RPS29: variants seen among roughly 807,000 people sequenced by gnomAD.
The protein encoded by RPS29 is small ribosomal subunit protein uS14.
For synonymous variants in RPS29, 37 were observed against 26.9 expected, an observed-to-expected ratio of 1.37 and a Z score of -1.16; for missense variants, 60 against 75.7, an observed-to-expected ratio of 0.79 and a Z score of 0.77.
At chr14:49,589,621 T>C (rs930982402), upstream of RPS29, among the ~76,000 whole-genome samples, 1 of 152,236 alleles carries the variant, frequency 6.6e-6, no homozygotes, top group Admixed American at 6.5e-5. Context: ...GGAAAGCAGT[T>C]TGGTGATTTC....
At chr14:49,572,578 G>A (rs1881080343) in exon 3 of RPS29, 1 of 152,122 alleles carries the variant, frequency 6.6e-6, no homozygotes, top group South Asian at 2.1e-4. Context: ...TAACTCAGTG[G>A]TGGAGTTTTC....
upstream of RPS29, chr14:49,586,483 G>C (rs1881563308): frequency 2.6e-6 from 2 of 761,976 alleles, no homozygotes; most frequent in Non-Finnish European, 4.6e-6. Flanking sequence ...GTTTCGCTGG[G>C]TGAGTAAAAT....
chr14:49,598,471 G>C, exon 1 of RPS29: 1 of 702,314 alleles, frequency 1.4e-6, no homozygotes, highest in Non-Finnish European at 2.6e-6. Flanking sequence ...CCCCTTCGAC[G>C]TGCCAGGTGT....
chr14:49,571,398 G>C (rs2139496548), exon 3 of RPS29: 1 of 152,248 alleles, frequency 6.6e-6, no homozygotes, highest in Middle Eastern at 3.4e-3. Flanking sequence ...TTTGTCTCTG[G>C]TTCCTAGGAG....
chr14:49,577,496 C>G (rs1881215823), exon 3 of RPS29: 1 of 509,390 alleles, frequency 2.0e-6, no homozygotes, highest in Non-Finnish European at 3.6e-6. Context: ...GAAGAAACAT[C>G]ATGAGTGATC....
chr14:49,593,346 T>C (rs1427548789), intron 1 of RPS29, among the ~76,000 whole-genome samples: 1 of 152,178 alleles, frequency 6.6e-6, no homozygotes, highest in Non-Finnish European at 1.5e-5. Context: ...TAAGTAATCA[T>C]ATAGCAATAT....
At chr14:49,590,313 T>C (rs1881683942), upstream of RPS29, among the ~76,000 whole-genome samples, 1 of 151,838 alleles carries the variant, frequency 6.6e-6, no homozygotes, top group Non-Finnish European at 1.5e-5. Context: ...CGGTCTCCAC[T>C]AAAAATACAA....
chr14:49,598,201 A>T, intron 1 of RPS29: 1 of 557,586 alleles, frequency 1.8e-6, no homozygotes, highest in Non-Finnish European at 3.2e-6. Context: ...CCTAGAGCAC[A>T]AATTTTAAGG....
Position 49,594,510 on chromosome 14 carries a change from C to G in RPS29, c.-133+3890G>C, listed in dbSNP as rs142679450. The stretch of plus-strand genomic sequence containing the variant: ...TCATTAGTAAATAATCGTGGAAACA[C>G]AATCTATAAGACATTCAAAGAGTGT... On this transcript the variant is annotated intron_variant, in intron 1 of 3. Coordinates refer to the RPS29 transcript ENST00000556230. Among the ~76,000 whole-genome samples the G allele has an allele frequency of 2.3e-4, 35 of 152,230 alleles. 1 individual carries two copies. In the East Asian group the frequency reaches 6.5e-3, roughly 28 times the overall value.
chr14:49,586,412 T>C, upstream of RPS29: 1 of 1,418,088 alleles, frequency 7.1e-7, no homozygotes, highest in South Asian at 1.1e-5. Flanking sequence ...CTTCAAATTT[T>C]TGAGACAGTT....
chr14:49,592,304 A>G (rs565610230), intron 1 of RPS29: 1 of 151,502 alleles, frequency 6.6e-6, no homozygotes, highest in African/African-American at 2.4e-5. Flanking sequence ...GTTGTAATTA[A>G]TTAGTTGTAA....
chr14:49,583,715 T>A, intron 2 of RPS29, 40 bp from the exon 3 acceptor site: 1 of 1,209,646 alleles, frequency 8.3e-7, no homozygotes, highest in Non-Finnish European at 1.2e-6. Context: ...CAAAATGCTT[T>A]AAATCTCTAC....
downstream of RPS29, among the ~76,000 whole-genome samples, chr14:49,582,681 G>A (rs1294809625): frequency 6.6e-6 from 1 of 152,098 alleles, no homozygotes. Context: ...ATTGCGTAGG[G>A]GCTCTTGTTC....
At chr14:49,583,768 A>T (rs1156733048) in intron 2 of RPS29, 93 bp from the exon 3 acceptor site, 1 of 809,774 alleles carries the variant, frequency 1.2e-6, no homozygotes, top group African/African-American at 1.7e-5. Flanking sequence ...ATGTTATAGA[A>T]TTACAGAACT....
At chr14:49,586,411 T>C, upstream of RPS29, 1 of 1,414,640 alleles carries the variant, frequency 7.1e-7, no homozygotes, top group Non-Finnish European at 1.0e-6. Context: ...TCTTCAAATT[T>C]TTGAGACAGT....
In RPS29 at chr14:49,576,581, C is replaced by G. The variant is rs574566247; in HGVS notation, c.*1231G>C. 4 of 152,294 alleles carry G rather than the reference C, an allele frequency of 2.6e-5. No individual in the cohort carries two copies. In the East Asian group the frequency reaches 7.7e-4, roughly 29 times the overall value. The allele number at this position is 152,294 out of a possible 1,614,324, so 9.4% of individuals were successfully genotyped here. ...TCCTAGCAGAGGTTATGCAAGCAGG[C>G]TGCTTTAAAACTGTTGAAGGCCAGG... On this transcript the variant is annotated 3_prime_UTR_variant, in exon 3 of 3. Transcript: ENST00000396020.
intron 2 of RPS29, among the ~76,000 whole-genome samples, chr14:49,584,546 C>T (rs1275522515): frequency 6.6e-6 from 1 of 152,184 alleles, no homozygotes. Context: ...AGGCCCATCT[C>T]CTGAGGTCAG....
At chr14:49,589,760 T>C (rs904633937), upstream of RPS29, among the ~76,000 whole-genome samples, 1 of 152,212 alleles carries the variant, frequency 6.6e-6, no homozygotes, top group Non-Finnish European at 1.5e-5. Context: ...CTATTCACAA[T>C]AGCAAACACA....
upstream of RPS29, chr14:49,586,614 T>A (rs749765541): frequency 4.1e-6 from 2 of 486,274 alleles, no homozygotes; most frequent in Non-Finnish European, 7.6e-6. Context: ...TAGTCCCAGC[T>A]ACTCGGGAGG....
Sources: gnomAD v4.1 joint callset for allele counts (sites outside exome capture counted in the v4.1 genomes callset) on GRCh38, gnomAD v4.1.1 for gene constraint, MANE v1.5 for transcripts, NCBI Gene and HGNC (gene_info 2026-07-23, HGNC 2026-07-21) for gene names.